Variants in UST observed in about 807,000 individuals in gnomAD.
The protein encoded by UST is uronyl 2-sulfotransferase, also known as chondroitin sulfate 2-O-sulfotransferase.
Under a neutral mutation model 45.6 loss-of-function variants are expected in UST, and 21 were observed. That is an observed-to-expected ratio of 0.46 (90% CI 0.33 to 0.66). The LOEUF is 0.66. UST is among the 30% of genes least tolerant of loss of function. The pLI is 0.02. For synonymous variants in UST, 215 were observed against 200.6 expected (o/e 1.07, Z -0.61); for missense variants, 463 against 512.4 (o/e 0.90, Z 0.93).
intron 7 of UST, among the ~76,000 whole-genome samples, chr6:149,043,013 TTCTTTCTTTTTCTTTCTTTC>T (rs1293171234): frequency 1.2e-5 from 1 of 83,972 alleles, no homozygotes; most frequent in African/African-American, 5.3e-5. Context: ...CTTTCTTTCT[TTCTTTCTTTTTCTTTCTTTC>T]TTTCTTTCTT....
At chr6:148,780,081 A>C (rs202104481) in intron 1 of UST, among the ~76,000 whole-genome samples, 1 of 31,488 alleles carries the variant, frequency 3.2e-5, no homozygotes, top group Non-Finnish European at 6.5e-5. Flanking sequence ...ATGTGTGTGT[A>C]TATATATACA....
intron 5 of UST, among the ~76,000 whole-genome samples, chr6:149,010,895 C>CAA (rs1172538648): frequency 3.4e-4 from 22 of 65,582 alleles, no homozygotes; most frequent in African/African-American, 1.1e-3. Context: ...CCGTCTCAAC[C>CAA]AAAAAAAAAA....
At chr6:148,867,089 A>C (rs1778450670) in intron 1 of UST, among the ~76,000 whole-genome samples, 1 of 152,180 alleles carries the variant, frequency 6.6e-6, no homozygotes, top group South Asian at 2.1e-4. Context: ...AGACAATCTC[A>C]CATCCACGTA....
intron 2 of UST, among the ~76,000 whole-genome samples, chr6:148,922,018 G>C (rs1175105443): frequency 2.0e-5 from 3 of 152,202 alleles, no homozygotes; most frequent in African/African-American, 7.2e-5. Context: ...TGAGAGGGGA[G>C]TGGAGAAGAG....
At chr6:148,946,813 CAAAAAAAAAAAA>C (rs60990121) in intron 3 of UST, among the ~76,000 whole-genome samples, 14 of 56,824 alleles carry the variant, frequency 2.5e-4, no homozygotes, top group African/African-American at 1.2e-3. Flanking sequence ...GACTCCATCC[CAAAAAAAAAAAA>C]AAAAAAAAAA....
chr6:149,058,640 A>G (rs141471615), intron 7 of UST, among the ~76,000 whole-genome samples: 3 of 152,338 alleles, frequency 2.0e-5, no homozygotes, highest in Admixed American at 2.0e-4. Context: ...GGCCTTCATA[A>G]TACGATTTCA....
chr6:148,873,756 G>A (rs761470484), intron 1 of UST, among the ~76,000 whole-genome samples: 1 of 152,200 alleles, frequency 6.6e-6, no homozygotes, highest in Non-Finnish European at 1.5e-5. Flanking sequence ...TTGCCTCCTA[G>A]GTTGCTGTAG....
At chr6:148,855,542 G>C (rs568676994) in intron 1 of UST, among the ~76,000 whole-genome samples, 14 of 152,304 alleles carry the variant, frequency 9.2e-5, no homozygotes, top group Admixed American at 7.8e-4. Flanking sequence ...CTTATTTGGA[G>C]GCTGAAAGCC....
chr6:148,941,526 G>A, intron 3 of UST, 92 bp downstream of exon 3: 1 of 1,373,090 alleles, frequency 7.3e-7, no homozygotes, highest in Non-Finnish European at 9.8e-7. Flanking sequence ...TCAGACTCCT[G>A]ATGAGTGAAT....
rs1163552554 is a variant in UST, at chr6:148,747,142, C to T, written c.-289C>T. Among the ~76,000 whole-genome samples, 1 of 149,526 alleles carries T rather than the reference C, an allele frequency of 6.7e-6. No individual in the cohort carries two copies. Among genetic ancestry groups the T allele is most frequent in the Admixed American group, 6.6e-5 (1 of 15,052 alleles). On this transcript the variant is annotated 5_prime_UTR_variant, in exon 1 of 8. Coordinates refer to ENST00000367463, the MANE Select transcript of UST (RefSeq NM_005715.3). ...GGCCGCAAGCGAGCCCGAGGCGCGG[C>T]GGGGCGCGGGGCGTGGGGACGCTAG...
intron 1 of UST, among the ~76,000 whole-genome samples, chr6:148,871,305 G>T (rs150864237): frequency 2.7e-3 from 409 of 152,194 alleles, no homozygotes; most frequent in Admixed American, 4.8e-3. Context: ...ATAAATGTTT[G>T]CTACTTAGGC....
chr6:148,881,892 G>T (rs756703769), intron 1 of UST, among the ~76,000 whole-genome samples: 2 of 152,166 alleles, frequency 1.3e-5, no homozygotes, highest in Non-Finnish European at 2.9e-5. Context: ...TGATGAAAGC[G>T]TAAAATCCTA....
intron 1 of UST, among the ~76,000 whole-genome samples, chr6:148,762,899 A>C (rs6930744): frequency 0.077 from 11,797 of 152,268 alleles, 594 homozygotes; most frequent in Non-Finnish European, 0.11. Context: ...TTATCCAGTC[A>C]TCTGTTGATG....
chr6:148,804,975 A>T (rs1777119449), intron 1 of UST, among the ~76,000 whole-genome samples: 1 of 152,108 alleles, frequency 6.6e-6, no homozygotes, highest in South Asian at 2.1e-4. Flanking sequence ...ATAAAATGAA[A>T]ATATACTTGC....
chr6:148,954,505 A>G (rs1333242350), intron 4 of UST, among the ~76,000 whole-genome samples: 1 of 152,132 alleles, frequency 6.6e-6, no homozygotes, highest in Admixed American at 6.5e-5. Context: ...AGATACACAA[A>G]TGATTATTAT....
intron 7 of UST, among the ~76,000 whole-genome samples, chr6:149,072,040 G>A (rs919198524): frequency 2.6e-5 from 4 of 152,148 alleles, no homozygotes; most frequent in Non-Finnish European, 2.9e-5. Flanking sequence ...TAAAAAGGGA[G>A]GAAAATAACA....
intron 5 of UST, among the ~76,000 whole-genome samples, chr6:149,013,541 A>G (rs1266993436): frequency 2.6e-5 from 4 of 152,024 alleles, no homozygotes. Context: ...AAAAAAGAGA[A>G]AAAAAAAGTT....
intron 2 of UST, among the ~76,000 whole-genome samples, chr6:148,891,995 A>G (rs1779027537): frequency 6.6e-6 from 1 of 152,246 alleles, no homozygotes; most frequent in Non-Finnish European, 1.5e-5. Context: ...ACATTCATTT[A>G]GCAAAACAGG....
chr6:148,957,177 T>C (rs1166315134), intron 4 of UST, among the ~76,000 whole-genome samples: 1 of 152,182 alleles, frequency 6.6e-6, no homozygotes, highest in Non-Finnish European at 1.5e-5. Flanking sequence ...AAGCCAGAAC[T>C]GACTCCCCAG....
Sources: allele counts gnomAD v4.1 joint callset (sites outside exome capture counted in the v4.1 genomes callset), GRCh38; gene constraint gnomAD v4.1.1; transcripts MANE v1.5; gene names NCBI Gene and HGNC (gene_info 2026-07-23, HGNC 2026-07-21).